Variants in ENAH observed in about 807,000 individuals in gnomAD.
The protein encoded by ENAH is protein enabled homolog.
Under a neutral mutation model 78.7 loss-of-function variants are expected in ENAH, and 23 were observed. The observed-to-expected ratio is 0.29, with a 90% confidence interval of 0.21 to 0.41. ENAH has a LOEUF of 0.41. Ranked by LOEUF, ENAH falls within the 10% of genes least tolerant of loss-of-function variation. The probability of loss-of-function intolerance (pLI) is 1.00; values close to 1 mark genes in which losing one functional copy is unlikely to be tolerated. For missense variants in ENAH, 544 were observed against 691.0 expected (o/e 0.79, Z 2.39); for synonymous variants, 226 against 241.0 (o/e 0.94, Z 0.58).
intron 2 of ENAH, 111 bp from the exon 3 acceptor site, chr1:225,555,194 C>G: frequency 1.1e-6 from 1 of 884,360 alleles, no homozygotes; most frequent in Non-Finnish European, 1.6e-6. Flanking sequence ...CAGACCTTGG[C>G]AAAAATTGCT....
chr1:225,507,815 C>A, intron 11 of ENAH, 136 bp downstream of exon 11: 1 of 498,272 alleles, frequency 2.0e-6, no homozygotes, highest in South Asian at 4.1e-5. Context: ...GGTGGTTGTC[C>A]AATACTAGGA....
intron 1 of ENAH, among the ~76,000 whole-genome samples, chr1:225,608,721 C>A (rs776992107): frequency 2.1e-5 from 3 of 144,916 alleles, no homozygotes; most frequent in African/African-American, 5.1e-5. Flanking sequence ...GAGGCTGAGG[C>A]AGGAAAATCG....
At chr1:225,497,950 C>T (rs1230085655) in intron 13 of ENAH, 138 bp from the exon 14 acceptor site, 2 of 648,980 alleles carry the variant, frequency 3.1e-6, no homozygotes, top group Non-Finnish European at 5.3e-6. Context: ...TTTCATTGCA[C>T]ACATCTTTAA....
chr1:225,520,324 A>G (rs12028305), intron 4 of ENAH, among the ~76,000 whole-genome samples: 99,666 of 150,012 alleles, frequency 0.66, 33,150 homozygotes, highest in Middle Eastern at 0.75. Flanking sequence ...ACTGAATGAA[A>G]AAGAGTCAAG....
chr1:225,601,896 AC>A (rs1410484923), intron 1 of ENAH, among the ~76,000 whole-genome samples: 1 of 152,020 alleles, frequency 6.6e-6, no homozygotes, highest in African/African-American at 2.4e-5. Context: ...ATGGCTTTAA[AC>A]ATTTACCAGA....
rs71170091 is a variant in ENAH at position 225,558,627 on chromosome 1, C to CTTTTTTTTTTTTTT, written c.172-3558_172-3545dup. Reference sequence around the variant, plus strand: ...TGCTTTCTACTGCATTAATTTCTGCCTTTTTTTTTTTTTTTTTTTTTTTTG... The same window carrying CTTTTTTTTTTTTTT: ...TGCTTTCTACTGCATTAATTTCTGCCTTTTTTTTTTTTTTTTTTTTTTTTTTTTTTTTTTTTTTG... On this transcript the variant is annotated intron_variant, in intron 2 of 13. Coordinates refer to ENST00000366843, the MANE Select transcript of ENAH (RefSeq NM_018212.6). Among the ~76,000 whole-genome samples, 12 of 69,246 alleles carry CTTTTTTTTTTTTTT rather than the reference C, an allele frequency of 1.7e-4. 1 individual carries two copies. The highest frequency in any genetic ancestry group is 5.1e-4 in the East Asian group (1 of 1,968). The allele number at this position is 69,246 out of a possible 152,430, so 45.4% of individuals were successfully genotyped here.
chr1:225,635,689 T>C (rs371461800), intron 1 of ENAH, among the ~76,000 whole-genome samples: 32 of 152,280 alleles, frequency 2.1e-4, no homozygotes, highest in Admixed American at 8.5e-4. Context: ...GCAGATGTAA[T>C]TAGTTAAGAT....
chr1:225,634,508 T>C (rs1294565569), intron 1 of ENAH, among the ~76,000 whole-genome samples: 2 of 152,076 alleles, frequency 1.3e-5, no homozygotes, highest in African/African-American at 4.8e-5. Flanking sequence ...ATCCCACAAT[T>C]CACAGTACAA....
intron 1 of ENAH, among the ~76,000 whole-genome samples, chr1:225,625,292 C>T (rs927054133): frequency 7.9e-5 from 12 of 152,148 alleles, no homozygotes; most frequent in Non-Finnish European, 1.8e-4. Context: ...CTTCTTGGCA[C>T]ACCTAAAGCA....
At chr1:225,503,466 G>C (rs1445269898) in intron 11 of ENAH, among the ~76,000 whole-genome samples, 1 of 151,856 alleles carries the variant, frequency 6.6e-6, no homozygotes, top group African/African-American at 2.4e-5. Context: ...TGTAGAGACA[G>C]GGTTTAACCA....
intron 1 of ENAH, among the ~76,000 whole-genome samples, chr1:225,605,438 C>A (rs953104844): frequency 2.0e-5 from 3 of 152,166 alleles, no homozygotes; most frequent in Non-Finnish European, 4.4e-5. Flanking sequence ...AAGCAAGTCT[C>A]AGAGAAGTTA....
intron 1 of ENAH, among the ~76,000 whole-genome samples, chr1:225,636,281 GAAA>G (rs1660048806): frequency 6.6e-6 from 1 of 152,128 alleles, no homozygotes; most frequent in African/African-American, 2.4e-5. Context: ...TACAGACTCA[GAAA>G]AAACTAACAG....
At chr1:225,586,766 G>A (rs548319369) in intron 1 of ENAH, among the ~76,000 whole-genome samples, 18 of 152,248 alleles carry the variant, frequency 1.2e-4, no homozygotes, top group African/African-American at 4.1e-4. Context: ...TGGCTCACCC[G>A]TTATCCCAGC....
At chr1:225,520,294 C>CAAA (rs534721683) in intron 4 of ENAH, among the ~76,000 whole-genome samples, 1 of 99,288 alleles carries the variant, frequency 1.0e-5, no homozygotes. Context: ...GACTCCACCT[C>CAAA]AAAAAAAAAA....
intron 1 of ENAH, among the ~76,000 whole-genome samples, chr1:225,627,899 CT>C (rs2148323496): frequency 6.9e-6 from 1 of 145,548 alleles, no homozygotes; most frequent in Non-Finnish European, 1.6e-5. Flanking sequence ...GTTTTGTCCC[CT>C]ACCAACTTAT....
intron 1 of ENAH, among the ~76,000 whole-genome samples, chr1:225,586,350 G>T (rs1034753182): frequency 3.3e-5 from 5 of 151,096 alleles, no homozygotes; most frequent in African/African-American, 1.2e-4. Flanking sequence ...GAAAGAAATT[G>T]ATATATGAAG....
At chr1:225,532,780 T>C (rs541099994) in intron 3 of ENAH, among the ~76,000 whole-genome samples, 1 of 152,256 alleles carries the variant, frequency 6.6e-6, no homozygotes, top group African/African-American at 2.4e-5. Context: ...AGGAGATTTT[T>C]AAAATGTGGG....
chr1:225,648,111 A>G (rs1197510071), intron 1 of ENAH, among the ~76,000 whole-genome samples: 1 of 152,180 alleles, frequency 6.6e-6, no homozygotes, highest in Non-Finnish European at 1.5e-5. Flanking sequence ...GTAAACCCTT[A>G]TCTGAAGAAG....
chr1:225,571,833 G>A (rs762944668), intron 1 of ENAH, among the ~76,000 whole-genome samples: 13 of 152,074 alleles, frequency 8.5e-5, no homozygotes, highest in African/African-American at 1.4e-4. Flanking sequence ...TGGGAGAGTC[G>A]CACTTGGAAA....
Sources: allele counts gnomAD v4.1 joint callset (sites outside exome capture counted in the v4.1 genomes callset), GRCh38; gene constraint gnomAD v4.1.1; transcripts MANE v1.5; gene names NCBI Gene and HGNC (gene_info 2026-07-23, HGNC 2026-07-21).